The following DNAJC15 variants were observed in gnomAD, a reference collection of about 807,000 sequenced individuals.
DNAJC15 encodes the protein dnaJ homolog subfamily C member 15.
Under a neutral mutation model 22.4 loss-of-function variants are expected in DNAJC15, and 27 were observed. That is an observed-to-expected ratio of 1.20 (90% CI 0.89 to 1.66). The LOEUF is 1.66. DNAJC15 is among the 40% of genes most tolerant of loss of function. The probability of loss-of-function intolerance (pLI) is 0.00; values close to 1 mark genes in which losing one functional copy is unlikely to be tolerated. For synonymous variants in DNAJC15, 79 were observed against 63.2 expected, an observed-to-expected ratio of 1.25 and a Z score of -1.19; for missense variants, 208 against 187.1, an observed-to-expected ratio of 1.11 and a Z score of -0.65.
chr13:43,024,635 C>T (rs1428306260), intron 1 of DNAJC15, among the ~76,000 whole-genome samples: 1 of 151,970 alleles, frequency 6.6e-6, no homozygotes. Context: ...TGAGCCACCG[C>T]GTCCGGCATA....
chr13:43,034,431 T>G (rs2040418703), intron 1 of DNAJC15, among the ~76,000 whole-genome samples: 1 of 144,440 alleles, frequency 6.9e-6, no homozygotes, highest in African/African-American at 2.6e-5. Flanking sequence ...TTCTCCCGCC[T>G]CAGCCTCCTG....
chr13:43,058,215 T>C (rs2040540769), intron 1 of DNAJC15, among the ~76,000 whole-genome samples: 1 of 152,214 alleles, frequency 6.6e-6, no homozygotes, highest in East Asian at 1.9e-4. Flanking sequence ...TGTTGGCTTC[T>C]AGCCAGGAGG....
chr13:43,038,878 G>A (rs1376973387), intron 1 of DNAJC15, among the ~76,000 whole-genome samples: 3 of 151,576 alleles, frequency 2.0e-5, no homozygotes, highest in Non-Finnish European at 4.4e-5. Context: ...AAGAATTAAG[G>A]ACACCAAGGA....
intron 1 of DNAJC15, among the ~76,000 whole-genome samples, chr13:43,034,440 T>C (rs558657361): frequency 2.1e-4 from 32 of 149,712 alleles, no homozygotes; most frequent in South Asian, 1.3e-3. Context: ...CTCAGCCTCC[T>C]GAGTAGCTGG....
At position 43,023,771 on chromosome 13, in the gene DNAJC15, C is replaced by T. The variant is rs753454636; in HGVS notation, c.108+37C>T. 5 of 1,554,550 alleles carry T rather than the reference C, an allele frequency of 3.2e-6. No homozygotes were observed. The African/African-American group carries it at 5.4e-5, about 17-fold the overall frequency. On this transcript the variant is annotated intron_variant, in intron 1 of 5. Coordinates refer to ENST00000379221, the MANE Select transcript of DNAJC15 (RefSeq NM_013238.3). Reference sequence around the variant, plus strand: ...CAGCGGCCCCCACCCCTCTCTGGCTCCCTTGTAGTTTCTGCTTCAGCCCCC... The same window carrying T: ...CAGCGGCCCCCACCCCTCTCTGGCTTCCTTGTAGTTTCTGCTTCAGCCCCC...
intron 1 of DNAJC15, among the ~76,000 whole-genome samples, chr13:43,037,810 A>G (rs1440853695): frequency 1.3e-5 from 2 of 152,222 alleles, no homozygotes; most frequent in Admixed American, 1.3e-4. Context: ...GAAGGAACAC[A>G]TGGAGGTCAT....
intron 3 of DNAJC15, among the ~76,000 whole-genome samples, chr13:43,070,773 A>G (rs1386709050): frequency 6.6e-6 from 1 of 152,202 alleles, no homozygotes; most frequent in East Asian, 1.9e-4. Context: ...CAATGAAAAA[A>G]AACTTCAAAT....
chr13:43,057,929 G>A (rs928216258), intron 1 of DNAJC15, among the ~76,000 whole-genome samples: 2 of 152,164 alleles, frequency 1.3e-5, no homozygotes, highest in African/African-American at 4.8e-5. Flanking sequence ...GGGAGTGTCT[G>A]CAAAGAGTCA....
intron 5 of DNAJC15, among the ~76,000 whole-genome samples, chr13:43,103,423 CACTT>C (rs1156323769): frequency 2.0e-5 from 3 of 152,194 alleles, no homozygotes; most frequent in Admixed American, 6.5e-5. Flanking sequence ...ATTTTCTAAA[CACTT>C]AATCTCAATT....
intron 1 of DNAJC15, among the ~76,000 whole-genome samples, chr13:43,058,483 C>G (rs896502240): frequency 6.6e-6 from 1 of 152,076 alleles, no homozygotes; most frequent in African/African-American, 2.4e-5. Flanking sequence ...TTGCTGTGGC[C>G]ACTGTGGGGT....
chr13:43,041,223 G>A (rs962043159), intron 1 of DNAJC15, among the ~76,000 whole-genome samples: 3 of 152,170 alleles, frequency 2.0e-5, no homozygotes, highest in South Asian at 2.1e-4. Context: ...GTGTCCCTGG[G>A]TACTTGAGAT....
intron 1 of DNAJC15, among the ~76,000 whole-genome samples, chr13:43,034,697 T>G (rs961984235): frequency 5.3e-5 from 8 of 152,326 alleles, no homozygotes; most frequent in Non-Finnish European, 7.3e-5. Context: ...TGGATTATAA[T>G]CCACTACCAC....
At chr13:43,031,988 C>T (rs1593308322) in intron 1 of DNAJC15, among the ~76,000 whole-genome samples, 6 of 152,298 alleles carry the variant, frequency 3.9e-5, no homozygotes, top group Admixed American at 3.9e-4. Context: ...AGATTGGGAA[C>T]AGCAAGGAAC....
In DNAJC15 at chr13:43,079,486, A is replaced by G. The variant is rs1023940197; in HGVS notation, c.311+798A>G. Among the ~76,000 whole-genome samples the G allele has an allele frequency of 3.9e-5, 6 of 152,152 alleles. No individual in the cohort carries two copies. In the East Asian group the frequency reaches 1.2e-3, roughly 29 times the overall value. On this transcript the variant is annotated intron_variant, in intron 4 of 5. Coordinates refer to ENST00000379221, the MANE Select transcript of DNAJC15 (RefSeq NM_013238.3). The stretch of plus-strand genomic sequence containing the variant: ...AGAGTTGGGAGGAGGAGCCCAGTTT[A>G]GTTTGGTGCTTTATTTAAGAGATCT...
At chr13:43,064,517 C>T (rs892541030) in intron 1 of DNAJC15, among the ~76,000 whole-genome samples, 1 of 152,194 alleles carries the variant, frequency 6.6e-6, no homozygotes, top group Non-Finnish European at 1.5e-5. Context: ...GGATTTGCCT[C>T]TCCCACCATT....
intron 1 of DNAJC15, among the ~76,000 whole-genome samples, chr13:43,027,473 T>C (rs1326722176): frequency 1.3e-5 from 2 of 152,184 alleles, no homozygotes; most frequent in Admixed American, 1.3e-4. Context: ...TATGTTTCAT[T>C]ATAAACAATC....
intron 1 of DNAJC15, among the ~76,000 whole-genome samples, chr13:43,038,782 ACT>A (rs1232653117): frequency 2.0e-5 from 3 of 146,398 alleles, no homozygotes; most frequent in South Asian, 2.2e-4. Flanking sequence ...ACAAAGCGAG[ACT>A]CTGTCTCAAA....
intron 1 of DNAJC15, among the ~76,000 whole-genome samples, chr13:43,050,716 AAGAG>A (rs772088149): frequency 1.3e-5 from 2 of 152,216 alleles, no homozygotes; most frequent in African/African-American, 4.8e-5. Context: ...TTAAAATACA[AAGAG>A]AGGTAATTTA....
chr13:43,064,774 A>G (rs1360064897), intron 1 of DNAJC15, among the ~76,000 whole-genome samples: 1 of 152,190 alleles, frequency 6.6e-6, no homozygotes, highest in African/African-American at 2.4e-5. Flanking sequence ...TCCAGCAGCA[A>G]TGTATGCATT....
Sources: allele counts gnomAD v4.1 joint callset (sites outside exome capture counted in the v4.1 genomes callset), GRCh38; gene constraint gnomAD v4.1.1; transcripts MANE v1.5; gene names NCBI Gene and HGNC (gene_info 2026-07-23, HGNC 2026-07-21).